PAPOLG: variants seen among roughly 807,000 people sequenced by gnomAD.
The protein encoded by PAPOLG is poly(A) polymerase gamma.
Under a neutral mutation model 99.0 loss-of-function variants are expected in PAPOLG, and 40 were observed. That is an observed-to-expected ratio of 0.40 (90% CI 0.31 to 0.53). PAPOLG has a LOEUF of 0.53. Ranked by LOEUF, PAPOLG falls within the 20% of genes least tolerant of loss-of-function variation. The probability of loss-of-function intolerance (pLI) is 0.41; values close to 1 mark genes in which losing one functional copy is unlikely to be tolerated. For synonymous variants in PAPOLG, 310 were observed against 299.3 expected (o/e 1.04, Z -0.37); for missense variants, 675 against 884.1 (o/e 0.76, Z 3.00).
chr2:60,782,254 T>G (rs916531992), intron 11 of PAPOLG, among the ~76,000 whole-genome samples: 1 of 152,124 alleles, frequency 6.6e-6, no homozygotes, highest in African/African-American at 2.4e-5. Flanking sequence ...ACATTATATA[T>G]ATTTATATTT....
chr2:60,790,690 G>C (rs538533533), intron 15 of PAPOLG, among the ~76,000 whole-genome samples: 15 of 152,298 alleles, frequency 9.8e-5, no homozygotes, highest in African/African-American at 3.6e-4. Flanking sequence ...TTTGTAAGAT[G>C]GTTCCTGAAG....
In PAPOLG at chr2:60,798,828, A is replaced by G. The variant is rs934902005; in HGVS notation, c.*1668A>G. ...CTTAGGTCTCCAAAATGTAAATTCTAATGTTTACCTTGTACCATGGAAAAC... is the reference window on the plus strand; with the variant it reads ...CTTAGGTCTCCAAAATGTAAATTCTGATGTTTACCTTGTACCATGGAAAAC... On this transcript the variant is annotated 3_prime_UTR_variant, in exon 22 of 22. Transcript: ENST00000238714. 6.6e-6 allele frequency: 1 copy of G among 152,376 alleles called. No homozygotes were observed. Among genetic ancestry groups the G allele is most frequent in the Non-Finnish European group, 1.5e-5 (1 of 68,042 alleles). 9.4% of individuals were successfully genotyped at this position (152,376 alleles called of 1,614,324 possible).
chr2:60,769,691 CA>C (rs1670790833), intron 5 of PAPOLG, among the ~76,000 whole-genome samples: 1 of 152,034 alleles, frequency 6.6e-6, no homozygotes, highest in Non-Finnish European at 1.5e-5. Context: ...TCTAAATAAT[CA>C]GTTTTCAGTT....
intron 13 of PAPOLG, among the ~76,000 whole-genome samples, chr2:60,784,752 C>T (rs563872436): frequency 3.3e-5 from 5 of 152,238 alleles, no homozygotes; most frequent in South Asian, 4.1e-4. Context: ...CATGTTTCTT[C>T]GTTTATATAT....
chr2:60,783,510 T>C (rs1419128561), intron 13 of PAPOLG, among the ~76,000 whole-genome samples: 4 of 126,728 alleles, frequency 3.2e-5, no homozygotes, highest in African/African-American at 1.2e-4. Flanking sequence ...CTTTTTTTTT[T>C]TTTTTTTTTT....
chr2:60,759,657 AT>A (rs1158412715), intron 1 of PAPOLG, among the ~76,000 whole-genome samples: 3 of 152,236 alleles, frequency 2.0e-5, no homozygotes, highest in Non-Finnish European at 2.9e-5. Context: ...TAAAAGCCAG[AT>A]TATTTCACAA....
chr2:60,768,354 G>T (rs1475071077), intron 3 of PAPOLG, 116 bp from the exon 4 acceptor site: 1 of 989,572 alleles, frequency 1.0e-6, no homozygotes, highest in Non-Finnish European at 1.5e-6. Flanking sequence ...CACCGGCCTT[G>T]GCCTCCTATA....
At chr2:60,790,962 G>T (rs754197025) in intron 15 of PAPOLG, among the ~76,000 whole-genome samples, 1 of 152,024 alleles carries the variant, frequency 6.6e-6, no homozygotes, top group South Asian at 2.1e-4. Context: ...GGTGCCATGC[G>T]CTTCTAGTCC....
intron 2 of PAPOLG, among the ~76,000 whole-genome samples, chr2:60,761,382 A>G (rs1277480629): frequency 6.6e-6 from 1 of 152,242 alleles, no homozygotes; most frequent in Admixed American, 6.5e-5. Flanking sequence ...AGAGAATTCT[A>G]GCTTCTATTA....
intron 5 of PAPOLG, among the ~76,000 whole-genome samples, chr2:60,770,247 G>T (rs961762093): frequency 5.9e-5 from 9 of 152,180 alleles, no homozygotes; most frequent in Non-Finnish European, 7.4e-5. Context: ...TGGAATGTAA[G>T]ACCAGAAACA....
chr2:60,784,485 C>T (rs746065776), intron 13 of PAPOLG, among the ~76,000 whole-genome samples: 1 of 152,150 alleles, frequency 6.6e-6, no homozygotes. Context: ...ATCCTTGGCT[C>T]TATCAGACGG....
At chr2:60,768,609 T>G in intron 4 of PAPOLG, 58 bp downstream of exon 4, 1 of 1,436,680 alleles carries the variant, frequency 7.0e-7, no homozygotes, top group South Asian at 1.2e-5. Flanking sequence ...TCTTCATAAT[T>G]AGAAAATGTA....
intron 1 of PAPOLG, among the ~76,000 whole-genome samples, chr2:60,757,519 T>G (rs1670384896): frequency 1.3e-5 from 2 of 152,238 alleles, no homozygotes; most frequent in South Asian, 4.1e-4. Flanking sequence ...GTTTTTAAAC[T>G]TTATATAACT....
chr2:60,761,707 T>C, intron 2 of PAPOLG, 34 bp from the exon 3 acceptor site: 3 of 1,553,172 alleles, frequency 1.9e-6, no homozygotes, highest in Non-Finnish European at 2.7e-6. Flanking sequence ...TTCATTTGTT[T>C]GTTTGTTTTA....
At chr2:60,783,340 T>TTG (rs1038454088) in intron 13 of PAPOLG, 131 bp downstream of exon 13, 10 of 487,324 alleles carry the variant, frequency 2.1e-5, no homozygotes, top group African/African-American at 1.7e-4. Context: ...TTTTTTTTTT[T>TTG]TTTTGAGACA....
At chr2:60,782,545 A>T in intron 11 of PAPOLG, 141 bp from the exon 12 acceptor site, 1 of 1,288,232 alleles carries the variant, frequency 7.8e-7, no homozygotes, top group Non-Finnish European at 9.9e-7. Context: ...TGACAGAGTG[A>T]GACTCTGTCT....
At chr2:60,758,151 G>A (rs781225747) in intron 1 of PAPOLG, among the ~76,000 whole-genome samples, 3 of 151,942 alleles carry the variant, frequency 2.0e-5, no homozygotes, top group Non-Finnish European at 2.9e-5. Context: ...TTCACTTACC[G>A]TATATATTTA....
chr2:60,758,700 A>G (rs1269540441), intron 1 of PAPOLG, among the ~76,000 whole-genome samples: 1 of 152,088 alleles, frequency 6.6e-6, no homozygotes, highest in Non-Finnish European at 1.5e-5. Context: ...GAGTACTGGG[A>G]TTACAGGCAT....
In PAPOLG at chr2:60,782,729, GT is replaced by G. The variant is rs746815254; in HGVS notation, c.1072del (p.Ser358ProfsTer17). 1 of 1,524,470 alleles carries G rather than the reference GT, an allele frequency of 6.6e-7. No homozygotes were observed. Among genetic ancestry groups the G allele is most frequent in the Non-Finnish European group, 8.8e-7 (1 of 1,139,946 alleles). The allele number at this position is 1,524,470 out of a possible 1,614,324, so 94.4% of individuals were successfully genotyped here. A position where few individuals can be genotyped will look rare whatever the true frequency, so the allele number is the denominator to read the frequency against. On this transcript the variant is annotated frameshift_variant, in exon 12 of 22. Coordinates refer to ENST00000238714, the MANE Select transcript of PAPOLG (RefSeq NM_022894.4). LOFTEE classifies it high-confidence loss of function. ...DEILQGKSDW[S>X]KLLEPPNFFQ... ...AAATTCTTCAAGGAAAGTCAGATTG[GT>G]CCAAACTACTTGAGCCACCGAATTT... is the stretch of plus-strand genomic sequence containing the variant.
Sources: gnomAD v4.1 joint callset for allele counts (sites outside exome capture counted in the v4.1 genomes callset) on GRCh38, gnomAD v4.1.1 for gene constraint, MANE v1.5 for transcripts, NCBI Gene and HGNC (gene_info 2026-07-23, HGNC 2026-07-21) for gene names.